The following TENM2 variants were observed in gnomAD, a reference collection of about 807,000 sequenced individuals.
TENM2 encodes teneurin transmembrane protein 2.
In TENM2, 52 loss-of-function variants were observed where a neutral mutation model predicts 245.2. The ratio of observed to expected loss-of-function variants is 0.21; its 90% CI spans 0.17 to 0.27. The LOEUF (loss-of-function observed/expected upper bound fraction) is 0.27. Ranked by LOEUF, TENM2 falls within the 10% of genes least tolerant of loss-of-function variation. The probability of loss-of-function intolerance (pLI) is 1.00; values close to 1 mark genes in which losing one functional copy is unlikely to be tolerated. For missense variants in TENM2, 3,046 were observed against 3,666.8 expected (o/e 0.83, Z 4.37); for synonymous variants, 1,363 against 1,438.9 (o/e 0.95, Z 1.19).
intron 1 of TENM2, among the ~76,000 whole-genome samples, chr5:167,303,819 G>T (rs573694948): frequency 3.9e-5 from 6 of 152,290 alleles, no homozygotes; most frequent in African/African-American, 1.4e-4. Flanking sequence ...TATGCGTCAT[G>T]GTGGGGACTG....
chr5:167,232,685 T>G, the TENM2 span, among the ~76,000 whole-genome samples: 15 of 152,302 alleles, frequency 9.8e-5, no homozygotes, highest in South Asian at 3.1e-3. Context: ...CCTCTTTTCT[T>G]TATAAATTAC....
At chr5:168,083,915 C>G (rs1024065782) in intron 7 of TENM2, among the ~76,000 whole-genome samples, 1 of 152,084 alleles carries the variant, frequency 6.6e-6, no homozygotes, top group Non-Finnish European at 1.5e-5. Flanking sequence ...CCCTTGCCCC[C>G]TCCCTCTCCG....
rs532163138 is a variant in TENM2 at position 168,094,516 on chromosome 5, A to G, written c.1712-3510A>G. On this transcript the variant is annotated intron_variant, in intron 8 of 28. Transcript: ENST00000518659. ...TGATGTTCCTCTGTTTAAATGTTTC[A>G]TTTGTACCCAGAAGTTCCAGAATAG... Among the ~76,000 whole-genome samples, 201 of 152,192 alleles carry G rather than the reference A, an allele frequency of 1.3e-3. 1 individual carries two copies. Among genetic ancestry groups the G allele is most frequent in the Middle Eastern group, 3.4e-3 (1 of 294 alleles).
exon 2 of TENM2, chr5:167,375,310 T>A: frequency 6.4e-7 from 1 of 1,551,708 alleles, no homozygotes; most frequent in South Asian, 1.2e-5. Flanking sequence ...GCACAGGGTC[T>A]GACGCCGACT....
chr5:167,677,499 G>T (rs372787207), intron 2 of TENM2, among the ~76,000 whole-genome samples: 1 of 151,340 alleles, frequency 6.6e-6, no homozygotes, highest in Non-Finnish European at 1.5e-5. Flanking sequence ...TGTGATTGCT[G>T]TCTTCCATCA....
chr5:167,199,063 T>TCAA, the TENM2 span, among the ~76,000 whole-genome samples: 1 of 139,220 alleles, frequency 7.2e-6, no homozygotes, highest in Non-Finnish European at 1.5e-5. Flanking sequence ...ACTTAACACT[T>TCAA]CAACTCCAAG....
intron 3 of TENM2, among the ~76,000 whole-genome samples, chr5:167,925,874 G>A (rs753391591): frequency 6.6e-6 from 1 of 152,202 alleles, no homozygotes; most frequent in African/African-American, 2.4e-5. Context: ...AATATCACAT[G>A]TTCTCACTTA....
intron 5 of TENM2, among the ~76,000 whole-genome samples, chr5:168,035,089 CTT>C (rs1787541881): frequency 6.6e-6 from 1 of 152,058 alleles, no homozygotes; most frequent in Admixed American, 6.5e-5. Flanking sequence ...CAAAAAAAAT[CTT>C]TTTACTGTCT....
Position 168,047,605 on chromosome 5 carries a change from C to T in TENM2, c.1309+56C>T, listed in dbSNP as rs1197370837. On this transcript the variant is annotated intron_variant, in intron 6 of 28. Coordinates refer to ENST00000518659, the Ensembl canonical transcript of TENM2. ...AGGTCACAGGAAAATTCTGAGCTCT[C>T]GCCAGCTGGTTCAGGTTTTCTAATC... The T allele has an allele frequency of 1.2e-5, 19 of 1,528,426 alleles. No individual in the cohort carries two copies. In the South Asian group the frequency reaches 1.4e-4, roughly 11 times the overall value. The allele number at this position is 1,528,426 out of a possible 1,614,324, so 94.7% of individuals were successfully genotyped here. A position where few individuals can be genotyped will look rare whatever the true frequency, so the allele number is the denominator to read the frequency against.
chr5:168,164,507 A>G (rs1005368608), intron 13 of TENM2, among the ~76,000 whole-genome samples: 10 of 152,142 alleles, frequency 6.6e-5, no homozygotes, highest in African/African-American at 2.4e-4. Context: ...GTCAGAGTGG[A>G]GTCAAAGCAA....
chr5:167,447,590 G>C (rs964424346), intron 2 of TENM2, among the ~76,000 whole-genome samples: 5 of 152,124 alleles, frequency 3.3e-5, no homozygotes, highest in African/African-American at 1.2e-4. Flanking sequence ...CCAGTAAAAG[G>C]GGCCAAGGAG....
At chr5:167,318,316 T>G (rs1756494390) in intron 1 of TENM2, among the ~76,000 whole-genome samples, 2 of 152,162 alleles carry the variant, frequency 1.3e-5, no homozygotes, top group African/African-American at 4.8e-5. Flanking sequence ...CTTTTAAATA[T>G]GATTCATGTT....
intron 2 of TENM2, among the ~76,000 whole-genome samples, chr5:167,502,299 C>A (rs1432181204): frequency 2.0e-5 from 3 of 152,056 alleles, no homozygotes; most frequent in Non-Finnish European, 4.4e-5. Flanking sequence ...AGAATTAGGA[C>A]TATAAGCAGC....
intron 2 of TENM2, among the ~76,000 whole-genome samples, chr5:167,833,283 CACTTT>C (rs1410189080): frequency 6.6e-6 from 1 of 152,072 alleles, no homozygotes; most frequent in Non-Finnish European, 1.5e-5. Context: ...TAGAATTAAT[CACTTT>C]ACTTTAGGAG....
chr5:168,149,738 A>T (rs1756472732), intron 12 of TENM2, among the ~76,000 whole-genome samples: 2 of 152,166 alleles, frequency 1.3e-5, no homozygotes, highest in Non-Finnish European at 1.5e-5. Context: ...TCTGCTCAAA[A>T]GCTTCCAATG....
intron 2 of TENM2, among the ~76,000 whole-genome samples, chr5:167,459,699 T>C: frequency 6.6e-6 from 1 of 152,242 alleles, no homozygotes; most frequent in East Asian, 1.9e-4. Flanking sequence ...ATTTAAAATT[T>C]TCTTTAAAGT....
At chr5:168,050,808 C>T (rs548028114) in intron 6 of TENM2, among the ~76,000 whole-genome samples, 53 of 152,282 alleles carry the variant, frequency 3.5e-4, no homozygotes, top group African/African-American at 1.3e-3. Flanking sequence ...TTTGCCTTTC[C>T]GTTTTCCATT....
intron 26 of TENM2, among the ~76,000 whole-genome samples, chr5:168,246,061 C>T (rs1181192873): frequency 4.6e-5 from 7 of 151,976 alleles, no homozygotes; most frequent in South Asian, 4.2e-4. Flanking sequence ...GGTGAAACCC[C>T]GTCTCTACTA....
At chr5:167,495,471 A>G (rs1297249408) in intron 2 of TENM2, among the ~76,000 whole-genome samples, 1 of 152,074 alleles carries the variant, frequency 6.6e-6, no homozygotes, top group African/African-American at 2.4e-5. Flanking sequence ...CCAGCCATGA[A>G]TAATTACAGC....
Sources: allele counts gnomAD v4.1 joint callset (sites outside exome capture counted in the v4.1 genomes callset), GRCh38; gene constraint gnomAD v4.1.1; transcripts MANE v1.5; gene names NCBI Gene and HGNC (gene_info 2026-07-23, HGNC 2026-07-21).